The following MCTP1 variants were observed in gnomAD, a reference collection of about 807,000 sequenced individuals.
MCTP1 encodes the protein multiple C2 and transmembrane domain-containing protein 1.
MCTP1 carries 69 observed loss-of-function variants against 120.6 expected under a neutral mutation model. That is an observed-to-expected ratio of 0.57 (90% CI 0.47 to 0.70). The LOEUF is 0.70. Ranked by LOEUF, MCTP1 falls within the 30% of genes least tolerant of loss-of-function variation. The pLI is 0.00. For missense variants in MCTP1, 1,203 were observed against 1,248.8 expected (o/e 0.96, Z 0.55); for synonymous variants, 529 against 493.1 (o/e 1.07, Z -0.96).
intron 1 of MCTP1, among the ~76,000 whole-genome samples, chr5:95,215,117 C>A (rs969833388): frequency 2.0e-5 from 3 of 152,176 alleles, no homozygotes; most frequent in Non-Finnish European, 4.4e-5. Flanking sequence ...ACCATGATCA[C>A]GTCCATCTTG....
intron 11 of MCTP1, among the ~76,000 whole-genome samples, chr5:94,891,140 T>C (rs1434292385): frequency 6.6e-6 from 1 of 152,224 alleles, no homozygotes; most frequent in Non-Finnish European, 1.5e-5. Context: ...AGTAATCTCA[T>C]AGCCTAACTT....
At chr5:94,825,738 T>A (rs1786888842) in intron 17 of MCTP1, among the ~76,000 whole-genome samples, 1 of 151,544 alleles carries the variant, frequency 6.6e-6, no homozygotes, top group Non-Finnish European at 1.5e-5. Context: ...ATTGGGTGCA[T>A]ATATATATAT....
intron 8 of MCTP1, among the ~76,000 whole-genome samples, chr5:94,915,126 T>C (rs766701137): frequency 6.6e-6 from 1 of 152,340 alleles, no homozygotes; most frequent in East Asian, 1.9e-4. Flanking sequence ...CCAACTTATA[T>C]AGAGCTTTAG....
In MCTP1 at chr5:94,940,180, G is replaced by C; in HGVS notation, c.1077C>G (p.Thr359=). ...GATAATGAGGATCTTTCAGAGTAAGGGTCACATCTGTGGGCCTGTGATAGA... is the reference window on the plus strand; with the variant it reads ...GATAATGAGGATCTTTCAGAGTAAGCGTCACATCTGTGGGCCTGTGATAGA... ...QLELNRPTDV[T]LTLKDPHYPD... is the part of the protein sequence containing the mutation. The change falls in exon 5 of 23, where the codon ACC becomes ACG. Residue 359 remains threonine, a synonymous_variant. Transcript: ENST00000515393. 2.5e-6 allele frequency: 4 copies of C among 1,598,458 alleles called. No homozygotes were observed. The highest frequency in any genetic ancestry group is 3.4e-6 in the Non-Finnish European group (4 of 1,169,960).
At chr5:94,974,871 A>G (rs1827749816) in intron 2 of MCTP1, among the ~76,000 whole-genome samples, 2 of 152,172 alleles carry the variant, frequency 1.3e-5, no homozygotes, top group Non-Finnish European at 2.9e-5. Context: ...TTATATTACA[A>G]TGTGATTAAA....
intron 1 of MCTP1, among the ~76,000 whole-genome samples, chr5:95,055,022 C>T (rs1161928054): frequency 2.6e-5 from 4 of 152,036 alleles, no homozygotes; most frequent in Non-Finnish European, 5.9e-5. Context: ...ATGTTGGCCA[C>T]GCTGGTCTCA....
intron 1 of MCTP1, among the ~76,000 whole-genome samples, chr5:95,026,276 T>C (rs1839240337): frequency 6.6e-6 from 1 of 152,160 alleles, no homozygotes; most frequent in Admixed American, 6.5e-5. Flanking sequence ...ACCTCAAGCA[T>C]TTACCCTTTG....
intron 3 of MCTP1, among the ~76,000 whole-genome samples, chr5:94,952,940 T>C (rs1249135971): frequency 6.6e-6 from 1 of 152,214 alleles, no homozygotes; most frequent in Non-Finnish European, 1.5e-5. Flanking sequence ...TTTCATATGC[T>C]CCCAAACTGC....
intron 11 of MCTP1, among the ~76,000 whole-genome samples, chr5:94,893,057 T>G (rs775565618): frequency 1.3e-5 from 2 of 152,236 alleles, no homozygotes; most frequent in Non-Finnish European, 2.9e-5. Context: ...TAGTTCATTT[T>G]TGAATATATT....
chr5:94,886,184 T>C (rs1581190562), intron 12 of MCTP1, among the ~76,000 whole-genome samples: 1 of 152,170 alleles, frequency 6.6e-6, no homozygotes, highest in Non-Finnish European at 1.5e-5. Context: ...AAAAAGTAAT[T>C]TGTGCTTTAT....
rs1414510532 is a variant in MCTP1 at position 94,819,780 on chromosome 5, A to G, written c.2437-20648T>C. 2.0e-5 allele frequency among the ~76,000 whole-genome samples: 3 copies of G among 152,350 alleles called. No homozygotes were observed. In the East Asian group the frequency reaches 5.8e-4, roughly 29 times the overall value. On this transcript the variant is annotated intron_variant, in intron 17 of 22. Coordinates refer to ENST00000515393, the MANE Select transcript of MCTP1 (RefSeq NM_024717.7). Reference sequence around the variant, plus strand: ...TAACAGCAGGAGGATTGTAGGCACAATATTTTACCATTGACTCCTGCAGCT... The same window carrying G: ...TAACAGCAGGAGGATTGTAGGCACAGTATTTTACCATTGACTCCTGCAGCT...
chr5:94,859,976 G>A (rs1291839552), intron 17 of MCTP1, among the ~76,000 whole-genome samples: 13 of 151,670 alleles, frequency 8.6e-5, no homozygotes, highest in Admixed American at 8.6e-4. Flanking sequence ...GGCAGGAACT[G>A]TATAGAATGA....
chr5:95,185,651 G>A (rs530971623), intron 1 of MCTP1, among the ~76,000 whole-genome samples: 13 of 151,902 alleles, frequency 8.6e-5, no homozygotes, highest in South Asian at 2.1e-4. Context: ...GCATGGCAGC[G>A]CATGCCTGTA....
intron 2 of MCTP1, among the ~76,000 whole-genome samples, chr5:95,013,664 A>G (rs557036489): frequency 1.6e-3 from 250 of 152,252 alleles, no homozygotes; most frequent in African/African-American, 5.6e-3. Flanking sequence ...AGTAGGCCCA[A>G]TGTTGTGACT....
At chr5:94,765,618 T>C (rs772188071) in intron 19 of MCTP1, among the ~76,000 whole-genome samples, 4 of 151,090 alleles carry the variant, frequency 2.6e-5, no homozygotes, top group African/African-American at 4.9e-5. Context: ...GAAGAATCAC[T>C]TGAATGTGGG....
intron 1 of MCTP1, among the ~76,000 whole-genome samples, chr5:95,112,561 A>T (rs1289754715): frequency 6.6e-6 from 1 of 152,190 alleles, no homozygotes; most frequent in African/African-American, 2.4e-5. Context: ...AATTCACTAT[A>T]CTTCTAATAA....
Position 94,873,149 on chromosome 5 carries a change from C to G in MCTP1, c.2026G>C (p.Val676Leu). Reference sequence around the variant, plus strand: ...GAAATGCCTACTTACAACGTGAAGACTTTATTCCACTCAGGATTGAGATTT... The same window carrying G: ...GAAATGCCTACTTACAACGTGAAGAGTTTATTCCACTCAGGATTGAGATTT... ...YKNLNPEWNKVFTFNIKDIHS... is the reference protein window; with the variant it reads ...YKNLNPEWNKLFTFNIKDIHS... The change falls in exon 13 of 23, where the codon GTC (valine) becomes CTC (leucine). Residue 676 changes from valine to leucine, a missense_variant. This residue lies in a region of MCTP1 where 740 missense variants were observed against 871.1 expected (regional missense o/e 0.85). Coordinates refer to ENST00000515393, the MANE Select transcript of MCTP1 (RefSeq NM_024717.7). 1.9e-6 allele frequency: 3 copies of G among 1,588,610 alleles called. No homozygotes were observed. Among genetic ancestry groups the G allele is most frequent in the Non-Finnish European group, 2.6e-6 (3 of 1,157,620 alleles).
At chr5:94,935,085 T>C (rs1293946838) in intron 5 of MCTP1, among the ~76,000 whole-genome samples, 2 of 151,944 alleles carry the variant, frequency 1.3e-5, no homozygotes, top group African/African-American at 4.8e-5. Flanking sequence ...ATGCCCTCCA[T>C]GGAGGTTTTG....
chr5:94,872,686 T>G (rs1644632696), intron 13 of MCTP1, among the ~76,000 whole-genome samples: 1 of 152,064 alleles, frequency 6.6e-6, no homozygotes, highest in Admixed American at 6.6e-5. Flanking sequence ...TCTAGGACAA[T>G]ACTTAATATT....
Sources: allele counts gnomAD v4.1 joint callset (sites outside exome capture counted in the v4.1 genomes callset), GRCh38; gene constraint gnomAD v4.1.1; regional missense constraint gnomAD v4.1.1; transcripts MANE v1.5; gene names NCBI Gene and HGNC (gene_info 2026-07-23, HGNC 2026-07-21).